Variants in CCL3L3 observed in about 807,000 individuals in gnomAD.
CCL3L3 encodes the protein C-C motif chemokine ligand 3 like 3.
CCL3L3 carries 6 observed loss-of-function variants against 9.0 expected under a neutral mutation model. That is an observed-to-expected ratio of 0.67 (90% CI 0.37 to 1.32). CCL3L3 has a LOEUF of 1.32. Ranked by LOEUF, CCL3L3 falls within the 40% of genes most tolerant of loss-of-function variation. The pLI, the probability that CCL3L3 is intolerant of heterozygous loss-of-function variation, is 0.02. For missense variants in CCL3L3, 93 were observed against 117.0 expected (o/e 0.79, Z 0.95); for synonymous variants, 38 against 45.7 (o/e 0.83, Z 0.68).
chr17:36,195,577 T>C, intron 2 of CCL3L3: 1 of 1,019,748 alleles, frequency 9.8e-7, no homozygotes, highest in South Asian at 1.3e-5. Context: ...TGCTGCCTCC[T>C]TCTTCCTGTC....
chr17:36,196,182 A>G (rs2068619301), intron 1 of CCL3L3: 1 of 630,046 alleles, frequency 1.6e-6, no homozygotes, highest in Non-Finnish European at 2.9e-6. Context: ...TGTCGGTTCA[A>G]GAAGTCATAC....
chr17:36,195,560 A>G, intron 2 of CCL3L3, 184 bp from the exon 3 acceptor site: 7 of 1,061,834 alleles, frequency 6.6e-6, no homozygotes, highest in Non-Finnish European at 8.8e-6. Flanking sequence ...GGGCCCTCAG[A>G]GTGTCCTGCT....
In CCL3L3 at chr17:36,196,618, T is replaced by C. The variant is rs2068623942; in HGVS notation, c.56A>G (p.Asn19Ser). ...CTCACGTGGTGCAGAGAGGACCTGG[T>C]TGCAGAGAGCCATGGTGCAGAGGAG... is the stretch of plus-strand genomic sequence containing the variant. ...AVLLCTMALCNQVLSAPLAAD... is the reference protein window; with the variant it reads ...AVLLCTMALCSQVLSAPLAAD... The change falls in exon 1 of 3, where the codon AAC (asparagine) becomes AGC (serine). Residue 19 changes from asparagine (N) to serine (S), a missense_variant. Coordinates refer to ENST00000619989, the MANE Select transcript of CCL3L3 (RefSeq NM_001001437.4). The C allele has an allele frequency of 1.9e-6, 3 of 1,581,048 alleles. No homozygotes were observed. The highest frequency in any genetic ancestry group is 2.7e-5 in the African/African-American group (2 of 74,720).
Position 36,196,498 on chromosome 17 carries a change from CCTT to C in CCL3L3, c.76+97_76+99del. The C allele has an allele frequency of 4.3e-6, 6 of 1,388,498 alleles. 1 individual carries two copies. The highest frequency in any genetic ancestry group is 5.1e-6 in the Non-Finnish European group (5 of 982,344). 86.0% of individuals were successfully genotyped at this position (1,388,498 alleles called of 1,614,324 possible). A position where few individuals can be genotyped will look rare whatever the true frequency, so the allele number is the denominator to read the frequency against. On this transcript the variant is annotated intron_variant, in intron 1 of 2. Coordinates refer to ENST00000619989, the MANE Select transcript of CCL3L3 (RefSeq NM_001001437.4). Reference sequence around the variant, plus strand: ...GTGTTTGGCAGCGCTTTAAGAACTTCCTTCTTTTCTCTTCGGGGCTCTCAGGCC... The same window carrying C: ...GTGTTTGGCAGCGCTTTAAGAACTTCCTTTTCTCTTCGGGGCTCTCAGGCC...
chr17:36,196,457 GAAGA>G (rs2068622001), intron 1 of CCL3L3, 137 bp downstream of exon 1: 4 of 1,078,120 alleles, frequency 3.7e-6, no homozygotes, highest in Non-Finnish European at 4.2e-6. Context: ...TAAAAGTTGT[GAAGA>G]AAAAGACCAA....
chr17:36,196,237 G>A (rs1376425534), intron 1 of CCL3L3: 2 of 640,794 alleles, frequency 3.1e-6, no homozygotes, highest in Non-Finnish European at 5.8e-6. Flanking sequence ...AGACATCCAA[G>A]GGACAGGGCT....
At chr17:36,195,486 CCT>C in intron 2 of CCL3L3, 110 bp from the exon 3 acceptor site, 1 of 1,430,856 alleles carries the variant, frequency 7.0e-7, no homozygotes, top group Non-Finnish European at 9.8e-7. Flanking sequence ...AAGGCCTGCT[CCT>C]CTCTCAGGGG....
intron 1 of CCL3L3, 41 bp downstream of exon 1, chr17:36,196,557 G>A (rs2068623219): frequency 6.4e-7 from 1 of 1,563,984 alleles, no homozygotes; most frequent in Admixed American, 1.7e-5. Flanking sequence ...TCTAACCATG[G>A]CCAGAGAGTG....
intron 2 of CCL3L3, 150 bp downstream of exon 2, chr17:36,195,648 C>G: frequency 1.7e-6 from 2 of 1,181,796 alleles, no homozygotes; most frequent in Admixed American, 3.6e-5. Flanking sequence ...ACTCCAGCCC[C>G]AAGTCAGGTC....
chr17:36,196,333 A>AT (rs1455111023), intron 1 of CCL3L3: 4 of 677,480 alleles, frequency 5.9e-6, no homozygotes, highest in African/African-American at 5.1e-5. Flanking sequence ...TTGCAAACTG[A>AT]TTCGTTTTGA....
intron 2 of CCL3L3, 118 bp from the exon 3 acceptor site, chr17:36,195,494 A>C: frequency 7.2e-7 from 1 of 1,389,726 alleles, no homozygotes; most frequent in Non-Finnish European, 1.0e-6. Context: ...CTCCTCTCTC[A>C]GGGGCCCCCT....
intron 2 of CCL3L3, 181 bp from the exon 3 acceptor site, chr17:36,195,557 C>G (rs2068611753): frequency 1.9e-6 from 2 of 1,068,838 alleles, no homozygotes; most frequent in East Asian, 2.3e-5. Context: ...AGGGGGCCCT[C>G]AGAGTGTCCT....
At chr17:36,196,327 A>T (rs1423524034) in intron 1 of CCL3L3, 3 of 673,850 alleles carry the variant, frequency 4.5e-6, no homozygotes, top group South Asian at 1.5e-5. Flanking sequence ...TGCCTCTTGC[A>T]AACTGATTCG....
intron 2 of CCL3L3, 69 bp from the exon 3 acceptor site, chr17:36,195,445 C>T: frequency 1.3e-6 from 2 of 1,534,346 alleles, no homozygotes; most frequent in African/African-American, 1.3e-5. Context: ...CACCATGGCC[C>T]TGACATCCTG....
intron 2 of CCL3L3, 152 bp downstream of exon 2, chr17:36,195,646 C>G: frequency 8.5e-7 from 1 of 1,177,124 alleles, no homozygotes; most frequent in Non-Finnish European, 1.3e-6. Flanking sequence ...TCACTCCAGC[C>G]CCAAGTCAGG....
At chr17:36,196,078 T>C in intron 1 of CCL3L3, 166 bp from the exon 2 acceptor site, 1 of 808,748 alleles carries the variant, frequency 1.2e-6, no homozygotes, top group Non-Finnish European at 2.1e-6. Context: ...TCTATATTCC[T>C]CTTTCCCCTT....
chr17:36,194,939 C>T lies in CCL3L3; in HGVS notation c.*347G>A, dbSNP rs1295625079. ...CAGCCCTGAACAAAAGCATCTGATA[C>T]ACATTTGTCAGTCTGGTGGCTTTGG... is the stretch of plus-strand genomic sequence containing the variant. On this transcript the variant is annotated 3_prime_UTR_variant, in exon 3 of 3. Transcript: ENST00000619989. The T allele has an allele frequency of 9.4e-4, 277 of 295,604 alleles. No homozygotes were observed. The highest frequency in any genetic ancestry group is 5.1e-3 in the African/African-American group (242 of 47,804). 18.3% of individuals were successfully genotyped at this position (295,604 alleles called of 1,614,324 possible).
chr17:36,195,015 C>T lies in CCL3L3; in HGVS notation c.*271G>A, dbSNP rs1214205395. On this transcript the variant is annotated 3_prime_UTR_variant, in exon 3 of 3. Transcript: ENST00000619989. ...TGACAGCCACTCGGTTGTCACCAGACACACTGTGAGGGAAGGTGGAGGGGA... is the reference window on the plus strand; with the variant it reads ...TGACAGCCACTCGGTTGTCACCAGATACACTGTGAGGGAAGGTGGAGGGGA... 2.3e-5 allele frequency: 10 copies of T among 433,384 alleles called. 1 individual carries two copies. Among genetic ancestry groups the T allele is most frequent in the Non-Finnish European group, 4.3e-5 (10 of 231,714 alleles). 26.8% of individuals were successfully genotyped at this position (433,384 alleles called of 1,614,324 possible).
intron 1 of CCL3L3, 62 bp downstream of exon 1, chr17:36,196,536 G>T (rs1206706581): frequency 1.3e-6 from 2 of 1,535,874 alleles, no homozygotes; most frequent in African/African-American, 1.3e-5. Flanking sequence ...CACAAAAAAA[G>T]ACTGATGTGG....
Sources: allele counts gnomAD v4.1 joint callset, GRCh38; gene constraint gnomAD v4.1.1; transcripts MANE v1.5; gene names NCBI Gene and HGNC (gene_info 2026-07-23, HGNC 2026-07-21).